Variants in HYDIN observed in about 807,000 individuals in gnomAD.
HYDIN encodes HYDIN axonemal central pair apparatus protein, also known as axonemal central pair apparatus protein HYDIN.
In HYDIN, 132 loss-of-function variants were observed where a neutral mutation model predicts 403.9. The observed-to-expected ratio is 0.33, with a 90% confidence interval of 0.28 to 0.38. The LOEUF (loss-of-function observed/expected upper bound fraction) is 0.38. HYDIN is among the 10% of genes least tolerant of loss of function. The pLI is 1.00. For missense variants in HYDIN, 2,827 were observed against 5,009.5 expected, an observed-to-expected ratio of 0.56 and a Z score of 13.15; for synonymous variants, 1,202 against 1,891.7, an observed-to-expected ratio of 0.64 and a Z score of 9.46.
chr16:70,944,900 G>A (rs985530883), intron 41 of HYDIN, among the ~76,000 whole-genome samples: 1 of 152,128 alleles, frequency 6.6e-6, no homozygotes, highest in African/African-American at 2.4e-5. Flanking sequence ...TTACAGGTGT[G>A]CACCACCATG....
At chr16:71,158,575 T>C (rs2085872296) in intron 6 of HYDIN, among the ~76,000 whole-genome samples, 1 of 144,922 alleles carries the variant, frequency 6.9e-6, no homozygotes, top group Admixed American at 6.7e-5. Flanking sequence ...CCACCTTAGG[T>C]AGATTCTTTT....
At chr16:71,193,914 T>G (rs1462970401) in intron 1 of HYDIN, among the ~76,000 whole-genome samples, 1 of 152,194 alleles carries the variant, frequency 6.6e-6, no homozygotes, top group Admixed American at 6.6e-5. Context: ...AGCAAAAATT[T>G]TTTTGCTCCC....
intron 23 of HYDIN, among the ~76,000 whole-genome samples, chr16:70,995,189 T>C (rs550438869): frequency 3.3e-5 from 5 of 152,204 alleles, no homozygotes; most frequent in African/African-American, 1.2e-4. Context: ...CTCCAAAATA[T>C]TGAAATAGAA....
intron 47 of HYDIN, among the ~76,000 whole-genome samples, chr16:70,911,692 G>A (rs1170795255): frequency 6.6e-6 from 1 of 152,080 alleles, no homozygotes; most frequent in Non-Finnish European, 1.5e-5. Flanking sequence ...TTTGTAGATT[G>A]CTTTTGGCAG....
intron 41 of HYDIN, among the ~76,000 whole-genome samples, chr16:70,945,998 G>C (rs1423381913): frequency 6.6e-6 from 1 of 152,046 alleles, no homozygotes; most frequent in Non-Finnish European, 1.5e-5. Flanking sequence ...GGGATGTGGG[G>C]TCACGGGAAA....
At chr16:71,218,853 C>T (rs750131420) in intron 1 of HYDIN, among the ~76,000 whole-genome samples, 3 of 152,120 alleles carry the variant, frequency 2.0e-5, no homozygotes, top group Non-Finnish European at 4.4e-5. Flanking sequence ...TTCCATCTCC[C>T]ACCAAAATCT....
intron 13 of HYDIN, among the ~76,000 whole-genome samples, chr16:71,074,587 G>A (rs1324502241): frequency 7.0e-6 from 1 of 143,378 alleles, no homozygotes; most frequent in Non-Finnish European, 1.5e-5. Flanking sequence ...GGGAGGCTGA[G>A]GCAGGAGAAT....
At chr16:70,985,562 C>T (rs1355091240) in intron 27 of HYDIN, among the ~76,000 whole-genome samples, 2 of 151,990 alleles carry the variant, frequency 1.3e-5, no homozygotes, top group Non-Finnish European at 2.9e-5. Flanking sequence ...ATTTCACCTT[C>T]CTGGGTCTCA....
At chr16:71,212,466 C>T (rs766997327) in intron 1 of HYDIN, among the ~76,000 whole-genome samples, 1 of 151,854 alleles carries the variant, frequency 6.6e-6, no homozygotes, top group Non-Finnish European at 1.5e-5. Flanking sequence ...GGTATGAAAT[C>T]GTTTAAACAA....
At position 70,832,911 on chromosome 16, in the gene HYDIN, C is replaced by T. The variant is rs760522523; in HGVS notation, c.13836G>A (p.Gln4612=). The change falls in exon 80 of 86, where the codon CAG becomes CAA. Residue 4612 remains glutamine, a synonymous_variant. Coordinates refer to ENST00000393567, the MANE Select transcript of HYDIN (RefSeq NM_001270974.2). ...GGGTTAGACTCAGAGGACTGCCTCC[C>T]TGGATGTAGCAGAGAATGTTTTTAC... is the stretch of plus-strand genomic sequence containing the variant. ...SLCKNILCYI[Q]GGSPLSLTLS... 7 of 1,613,862 alleles carry T rather than the reference C, an allele frequency of 4.3e-6. No individual in the cohort carries two copies. Among genetic ancestry groups the T allele is most frequent in the Non-Finnish European group, 5.9e-6 (7 of 1,179,878 alleles).
At chr16:71,102,533 C>A (rs2083489111) in intron 10 of HYDIN, among the ~76,000 whole-genome samples, 1 of 150,556 alleles carries the variant, frequency 6.6e-6, no homozygotes, top group Non-Finnish European at 1.5e-5. Flanking sequence ...TAAATGAAAA[C>A]AATATTATAA....
At chr16:71,187,732 T>A (rs547919999) in intron 1 of HYDIN, among the ~76,000 whole-genome samples, 1 of 151,928 alleles carries the variant, frequency 6.6e-6, no homozygotes, top group African/African-American at 2.4e-5. Flanking sequence ...AAGAGCTATA[T>A]AAAGGAAAGT....
intron 47 of HYDIN, among the ~76,000 whole-genome samples, chr16:70,916,035 A>G (rs2076829996): frequency 6.6e-6 from 1 of 152,244 alleles, no homozygotes; most frequent in Non-Finnish European, 1.5e-5. Flanking sequence ...GCAGTGGGCA[A>G]GCAGGGCTGA....
chr16:70,884,794 C>T (rs368001395), intron 58 of HYDIN, among the ~76,000 whole-genome samples: 84 of 151,936 alleles, frequency 5.5e-4, no homozygotes, highest in African/African-American at 1.9e-3. Context: ...TGTAGTTTTC[C>T]GGATGACCGT....
Position 70,803,543 on chromosome 16 carries a change from G to T in HYDIN, c.*4037C>A. 6.6e-6 allele frequency among the ~76,000 whole-genome samples: 1 copy of T among 152,192 alleles called. No individual in the cohort carries two copies. Among genetic ancestry groups the T allele is most frequent in the East Asian group, 1.9e-4 (1 of 5,200 alleles). On this transcript the variant is annotated 3_prime_UTR_variant, in exon 86 of 86. Coordinates refer to ENST00000393567, the MANE Select transcript of HYDIN (RefSeq NM_001270974.2). ...TGTGTGATGCTTGGTTGTTATGCTAGAACTTGTAATAGTTCTGTAACAACT... is the reference window on the plus strand; with the variant it reads ...TGTGTGATGCTTGGTTGTTATGCTATAACTTGTAATAGTTCTGTAACAACT...
intron 68 of HYDIN, 36 bp from the exon 69 acceptor site, chr16:70,862,291 T>C (rs772417526): frequency 3.5e-6 from 5 of 1,410,884 alleles, no homozygotes; most frequent in African/African-American, 1.4e-5. Flanking sequence ...TATTCTGCAT[T>C]TGCAGTGAGA....
intron 41 of HYDIN, 72 bp from the exon 42 acceptor site, chr16:70,944,021 A>C (rs926889539): frequency 1.7e-6 from 2 of 1,154,134 alleles, no homozygotes; most frequent in African/African-American, 3.0e-5. Flanking sequence ...CTTACCAGCC[A>C]CAGGACCTTG....
chr16:71,230,609 AAGACCCCGCGTCCAACTCAC>A lies in HYDIN; in HGVS notation c.-91_-72del. The A allele has an allele frequency of 1.3e-6, 2 of 1,536,024 alleles. No individual in the cohort carries two copies. The highest frequency in any genetic ancestry group is 8.7e-7 in the Non-Finnish European group (1 of 1,146,854). On this transcript the variant is annotated 5_prime_UTR_variant, in exon 1 of 86. The change abolishes the stop of an existing upstream ORF in the 5' untranslated region. Transcript: ENST00000393567. ...GTTTATTCTACCTCCATTCCCCGCC[AAGACCCCGCGTCCAACTCAC>A]AGACCCCGCCGCCGCTGAGGGGCTC...
intron 45 of HYDIN, among the ~76,000 whole-genome samples, chr16:70,925,367 C>A (rs2077120060): frequency 2.0e-5 from 3 of 152,376 alleles, no homozygotes; most frequent in South Asian, 4.1e-4. Context: ...TTTCCCAGCA[C>A]CATTTATTAA....
Sources: allele counts gnomAD v4.1 joint callset (sites outside exome capture counted in the v4.1 genomes callset), GRCh38; gene constraint gnomAD v4.1.1; transcripts MANE v1.5; gene names NCBI Gene and HGNC (gene_info 2026-07-23, HGNC 2026-07-21).